USP34: variants seen among roughly 807,000 people sequenced by gnomAD.
The protein encoded by USP34 is ubiquitin specific peptidase 34.
A neutral mutation model predicts 460.3 loss-of-function variants in USP34; 70 were observed. The ratio of observed to expected loss-of-function variants is 0.15; its 90% CI spans 0.13 to 0.19. The LOEUF (loss-of-function observed/expected upper bound fraction) is 0.19. Among genes scored for constraint, USP34 ranks in the 10% least tolerant of loss-of-function variants. USP34 has a pLI of 1.00. For missense variants in USP34, 3,985 were observed against 4,236.2 expected (o/e 0.94, Z 1.65); for synonymous variants, 1,647 against 1,405.3 (o/e 1.17, Z -3.85).
intron 69 of USP34, among the ~76,000 whole-genome samples, chr2:61,210,501 T>C (rs1425545007): frequency 6.6e-6 from 1 of 152,206 alleles, no homozygotes; most frequent in Non-Finnish European, 1.5e-5. Context: ...GAGTAGTCAC[T>C]CTGATGTTTG....
rs771686533 is a variant in USP34, at chr2:61,283,206, C to T, written c.4937G>A (p.Ser1646Asn). 2.7e-5 allele frequency: 44 copies of T among 1,613,318 alleles called. No homozygotes were observed. The highest frequency in any genetic ancestry group is 1.3e-5 in the African/African-American group (1 of 74,806). Residue 1646 changes from serine (S) to asparagine (N), a missense_variant, in exon 37 of 80, where the codon AGC (serine) becomes AAC (asparagine). By Grantham distance (46) the Ser-to-Asn change is conservative (BLOSUM62 1). Transcript: ENST00000398571. Reference protein sequence around the residue: ...WAHCCSLVKSSLADSDHLQDW... With the variant: ...WAHCCSLVKSNLADSDHLQDW... ...TTGTAAATGATCGCTATCAGCAAGG[C>T]TAGATTTCACTAAAGAACAGCAATG...
chr2:61,209,010 T>C, intron 69 of USP34, 33 bp from the exon 70 acceptor site: 1 of 1,429,046 alleles, frequency 7.0e-7, no homozygotes, highest in Non-Finnish European at 9.6e-7. Context: ...GTTTGAGAAG[T>C]CTGAATAAGA....
Position 61,228,628 on chromosome 2 carries a change from G to T in USP34, c.7443+17C>A, listed in dbSNP as rs374472927. The T allele has an allele frequency of 6.2e-7, 1 of 1,604,346 alleles. No homozygotes were observed. The highest frequency in any genetic ancestry group is 1.7e-5 in the Admixed American group (1 of 59,120). On this transcript the variant is annotated intron_variant, in intron 61 of 79. Coordinates refer to ENST00000398571, the MANE Select transcript of USP34 (RefSeq NM_014709.4). ...CCAGAGCCTCTAATACCTAATGTACGATAGAACTGTACTTACATTTTCAGG... is the reference window on the plus strand; with the variant it reads ...CCAGAGCCTCTAATACCTAATGTACTATAGAACTGTACTTACATTTTCAGG...
rs577647025 is a variant in USP34 at position 61,262,162 on chromosome 2, AAT to A, written c.5779-2388_5779-2387del. Among the ~76,000 whole-genome samples, 1,020 of 146,422 alleles carry A rather than the reference AAT, an allele frequency of 7.0e-3. 7 individuals carry two copies. Among genetic ancestry groups the A allele is most frequent in the Non-Finnish European group, 0.01 (683 of 66,898 alleles). ...AGATAGATAGATAGATAGATATAGA[AAT>A]ATATGTACACAGGTCTCCTTTTTTT... is the stretch of plus-strand genomic sequence containing the variant. On this transcript the variant is annotated intron_variant, in intron 43 of 79. Transcript: ENST00000398571.
intron 14 of USP34, 101 bp downstream of exon 14, chr2:61,348,655 G>C: frequency 6.8e-7 from 1 of 1,471,316 alleles, no homozygotes; most frequent in African/African-American, 1.4e-5. Flanking sequence ...TAAAGGAGAG[G>C]ACAAGCCCAA....
intron 22 of USP34, among the ~76,000 whole-genome samples, chr2:61,318,674 A>C (rs1690825139): frequency 6.6e-6 from 1 of 152,212 alleles, no homozygotes; most frequent in Admixed American, 6.5e-5. Flanking sequence ...GAAGAAGAAA[A>C]ATTGGAACAT....
intron 75 of USP34, chr2:61,200,530 T>C (rs1173853622): frequency 1.3e-5 from 2 of 152,318 alleles, no homozygotes; most frequent in East Asian, 3.7e-4. Context: ...ATCTGCTCAG[T>C]TGCCCATATA....
At chr2:61,381,892 T>G (rs1452081344) in intron 6 of USP34, among the ~76,000 whole-genome samples, 1 of 152,164 alleles carries the variant, frequency 6.6e-6, no homozygotes, top group Non-Finnish European at 1.5e-5. Context: ...TGTCTTTAAG[T>G]TCTCCCAGAT....
intron 41 of USP34, among the ~76,000 whole-genome samples, chr2:61,275,070 A>T (rs747342807): frequency 2.0e-5 from 3 of 152,160 alleles, no homozygotes; most frequent in Non-Finnish European, 2.9e-5. Context: ...TGAGCCCAGG[A>T]GTTTGAGACC....
rs1286609570 is a variant in USP34, at chr2:61,187,853, C to T, written c.*249G>A. Reference sequence around the variant, plus strand: ...CCAGACAGCCATATTAAATGAAAGCCACTAAAGTGAACTCTTAATTACATA... The same window carrying T: ...CCAGACAGCCATATTAAATGAAAGCTACTAAAGTGAACTCTTAATTACATA... On this transcript the variant is annotated 3_prime_UTR_variant, in exon 80 of 80. Coordinates refer to ENST00000398571, the MANE Select transcript of USP34 (RefSeq NM_014709.4). 7.9e-7 allele frequency: 1 copy of T among 1,269,712 alleles called. No individual in the cohort carries two copies. Among genetic ancestry groups the T allele is most frequent in the African/African-American group, 1.5e-5 (1 of 65,578 alleles). The allele number at this position is 1,269,712 out of a possible 1,614,324, so 78.7% of individuals were successfully genotyped here.
At chr2:61,287,478 C>A (rs183284419) in intron 34 of USP34, among the ~76,000 whole-genome samples, 18 of 152,314 alleles carry the variant, frequency 1.2e-4, no homozygotes, top group African/African-American at 3.6e-4. Flanking sequence ...CAGGTCTGAA[C>A]TGCACAGATC....
Position 61,442,947 on chromosome 2 carries a change from T to C in USP34, c.44-22114A>G, listed in dbSNP as rs569868096. Among the ~76,000 whole-genome samples the C allele has an allele frequency of 1.4e-3, 188 of 134,990 alleles. 1 individual carries two copies. The highest frequency in any genetic ancestry group is 3.9e-3 in the African/African-American group (151 of 38,526). 88.6% of individuals were successfully genotyped at this position (134,990 alleles called of 152,430 possible). On this transcript the variant is annotated intron_variant, in intron 1 of 79. Transcript: ENST00000398571. The stretch of plus-strand genomic sequence containing the variant: ...CACACACACACACAGAGGAATATTA[T>C]ACATCCATTAAAAATAATGAAATCC...
At chr2:61,315,903 A>G (rs1690728766) in intron 23 of USP34, among the ~76,000 whole-genome samples, 1 of 152,122 alleles carries the variant, frequency 6.6e-6, no homozygotes. Context: ...TACCAAATTG[A>G]AAATTATCAT....
At chr2:61,251,396 G>T (rs1285319023) in intron 48 of USP34, among the ~76,000 whole-genome samples, 2 of 152,168 alleles carry the variant, frequency 1.3e-5, no homozygotes, top group African/African-American at 4.8e-5. Flanking sequence ...TTACACTATT[G>T]TAGAAAATAT....
At chr2:61,437,784 A>AATAAATAAATAAATAT (rs1694856563) in intron 1 of USP34, among the ~76,000 whole-genome samples, 2 of 148,230 alleles carry the variant, frequency 1.3e-5, no homozygotes, top group Admixed American at 1.3e-4. Context: ...AAAATAAATA[A>AATAAATAAATAAATAT]ATAAATAAAT....
chr2:61,320,676 G>A (rs191493754), intron 21 of USP34, among the ~76,000 whole-genome samples: 1 of 151,972 alleles, frequency 6.6e-6, no homozygotes, highest in East Asian at 1.9e-4. Flanking sequence ...ACCGGTCTGG[G>A]CAATATAGGA....
At chr2:61,272,182 CG>C (rs991989965) in intron 41 of USP34, among the ~76,000 whole-genome samples, 73 of 152,166 alleles carry the variant, frequency 4.8e-4, no homozygotes, top group African/African-American at 1.3e-3. Context: ...GAGGCAGAGG[CG>C]GGCAGATCGT....
chr2:61,399,859 C>T (rs914207767), intron 3 of USP34, among the ~76,000 whole-genome samples: 1 of 107,608 alleles, frequency 9.3e-6, no homozygotes, highest in African/African-American at 3.8e-5. Flanking sequence ...GGCAACAGTG[C>T]GAGACACTGT....
intron 7 of USP34, 24 bp from the exon 8 acceptor site, chr2:61,378,448 AG>A (rs751841939): frequency 1.9e-6 from 3 of 1,552,656 alleles, no homozygotes; most frequent in South Asian, 2.4e-5. Flanking sequence ...CAAGAAATTA[AG>A]GGTTTTTATT....
Sources: allele counts gnomAD v4.1 joint callset (sites outside exome capture counted in the v4.1 genomes callset), GRCh38; gene constraint gnomAD v4.1.1; transcripts MANE v1.5; gene names NCBI Gene and HGNC (gene_info 2026-07-23, HGNC 2026-07-21).